Variants in EXOC6B observed in about 807,000 individuals in gnomAD.
The protein encoded by EXOC6B is exocyst complex component 6B.
EXOC6B carries 54 observed loss-of-function variants against 113.5 expected under a neutral mutation model. The observed-to-expected ratio is 0.48, with a 90% confidence interval of 0.38 to 0.60. The LOEUF (loss-of-function observed/expected upper bound fraction) is 0.60. EXOC6B is among the 20% of genes least tolerant of loss of function. The probability of loss-of-function intolerance (pLI) is 0.00; values close to 1 mark genes in which losing one functional copy is unlikely to be tolerated. For missense variants in EXOC6B, 797 were observed against 977.5 expected (o/e 0.82, Z 2.46); for synonymous variants, 357 against 339.0 (o/e 1.05, Z -0.58).
intron 1 of EXOC6B, among the ~76,000 whole-genome samples, chr2:72,788,122 C>T (rs546159229): frequency 6.6e-6 from 1 of 152,282 alleles, no homozygotes; most frequent in South Asian, 2.1e-4. Context: ...AGGTTCAAAT[C>T]CCAGTTCCTT....
intron 6 of EXOC6B, among the ~76,000 whole-genome samples, chr2:72,575,973 A>T (rs111530186): frequency 0.024 from 3,592 of 152,236 alleles, 167 homozygotes; most frequent in African/African-American, 0.082. Flanking sequence ...GCTTTTCAAA[A>T]ATATCCATTA....
intron 17 of EXOC6B, among the ~76,000 whole-genome samples, chr2:72,469,199 T>C (rs188604282): frequency 6.6e-6 from 1 of 152,268 alleles, no homozygotes; most frequent in East Asian, 1.9e-4. Flanking sequence ...CAGTATCATT[T>C]AGATAGTTTC....
intron 20 of EXOC6B, among the ~76,000 whole-genome samples, chr2:72,276,694 T>A (rs937869978): frequency 2.0e-5 from 3 of 152,168 alleles, no homozygotes; most frequent in African/African-American, 7.2e-5. Context: ...TTTTAATTAT[T>A]TTTTTCAAAT....
intron 7 of EXOC6B, 28 bp downstream of exon 7, chr2:72,575,464 T>TCC: frequency 6.3e-7 from 1 of 1,587,024 alleles, no homozygotes; most frequent in Non-Finnish European, 8.5e-7. Context: ...AAAAATAGTC[T>TCC]CACTTCCCAA....
intron 18 of EXOC6B, among the ~76,000 whole-genome samples, chr2:72,401,584 T>TATATATATATACAC (rs1693253744): frequency 1.1e-4 from 2 of 17,670 alleles, no homozygotes; most frequent in Non-Finnish European, 1.9e-4. Flanking sequence ...TATATATACA[T>TATATATATATACAC]ATATATATAT....
intron 12 of EXOC6B, 120 bp downstream of exon 12, chr2:72,499,781 A>G: frequency 1.6e-6 from 1 of 644,002 alleles, no homozygotes; most frequent in Admixed American, 2.6e-5. Flanking sequence ...CAATTCTCCT[A>G]CCTCAGGCTT....
At chr2:72,335,110 T>A (rs1299928798) in intron 19 of EXOC6B, 90 bp from the exon 20 acceptor site, 3 of 1,194,772 alleles carry the variant, frequency 2.5e-6, no homozygotes, top group East Asian at 4.7e-5. Flanking sequence ...CAAGAGAAGC[T>A]GGGGGAGAGG....
At chr2:72,800,958 TG>T (rs1386320328) in intron 1 of EXOC6B, among the ~76,000 whole-genome samples, 1 of 152,206 alleles carries the variant, frequency 6.6e-6, no homozygotes, top group African/African-American at 2.4e-5. Flanking sequence ...TCTACTGTGG[TG>T]ATTACAAATA....
At chr2:72,561,362 T>C (rs1265584706) in intron 7 of EXOC6B, among the ~76,000 whole-genome samples, 2 of 152,140 alleles carry the variant, frequency 1.3e-5, no homozygotes, top group Non-Finnish European at 2.9e-5. Flanking sequence ...TTATTTAGAA[T>C]TAATGATTTT....
At chr2:72,649,013 A>C (rs899644407) in intron 6 of EXOC6B, among the ~76,000 whole-genome samples, 2 of 151,914 alleles carry the variant, frequency 1.3e-5, no homozygotes, top group Non-Finnish European at 2.9e-5. Context: ...GGTAGTGCAC[A>C]CCTGTAGTCC....
intron 18 of EXOC6B, among the ~76,000 whole-genome samples, chr2:72,447,515 G>T (rs774721050): frequency 1.3e-5 from 2 of 152,078 alleles, no homozygotes; most frequent in Non-Finnish European, 2.9e-5. Context: ...TTCTTTATGA[G>T]CTCCAGTATA....
chr2:72,651,395 A>C (rs962172704), intron 6 of EXOC6B, among the ~76,000 whole-genome samples: 2 of 152,234 alleles, frequency 1.3e-5, no homozygotes, highest in African/African-American at 4.8e-5. Flanking sequence ...TGAGGTGGGC[A>C]GAACTGAATT....
chr2:72,701,081 C>T (rs962034532), intron 6 of EXOC6B, among the ~76,000 whole-genome samples: 2 of 152,018 alleles, frequency 1.3e-5, no homozygotes, highest in South Asian at 2.1e-4. Flanking sequence ...CGGTGGCTCA[C>T]GCCTGTAATC....
intron 6 of EXOC6B, among the ~76,000 whole-genome samples, chr2:72,689,687 G>T (rs370349931): frequency 2.0e-4 from 31 of 152,264 alleles, no homozygotes; most frequent in African/African-American, 6.7e-4. Context: ...TTCTCCTAGG[G>T]ATTCTACTAT....
At chr2:72,543,135 TATGGTG>T (rs1558779321) in intron 8 of EXOC6B, among the ~76,000 whole-genome samples, 2 of 151,852 alleles carry the variant, frequency 1.3e-5, no homozygotes, top group Non-Finnish European at 2.9e-5. Context: ...GCACATGGAG[TATGGTG>T]TATCTGGCGC....
chr2:72,408,085 A>C (rs1377174901), intron 18 of EXOC6B, among the ~76,000 whole-genome samples: 3 of 152,200 alleles, frequency 2.0e-5, no homozygotes, highest in Non-Finnish European at 4.4e-5. Context: ...ACAAACAGAG[A>C]GCCAAATCAT....
Position 72,731,188 on chromosome 2 carries a change from C to A in EXOC6B, c.385G>T (p.Ala129Ser). The stretch of plus-strand genomic sequence containing the variant: ...CACAGCATTAATTTATCAACAGTGG[C>A]AGAAATATTTCTCTGTTGTAGTCGA... ...QCRLQQRNIS[A>S]TVDKLMLCLP... Residue 129 changes from alanine to serine, a missense_variant, in exon 4 of 22, where the codon GCC becomes TCC. Ala to Ser is a moderately conservative substitution (Grantham distance 99). Coordinates refer to ENST00000272427, the MANE Select transcript of EXOC6B (RefSeq NM_015189.3). The A allele has an allele frequency of 6.2e-7, 1 of 1,613,274 alleles. No homozygotes were observed. The highest frequency in any genetic ancestry group is 8.5e-7 in the Non-Finnish European group (1 of 1,179,594).
chr2:72,757,571 T>G (rs1173173671), intron 1 of EXOC6B, among the ~76,000 whole-genome samples: 1 of 152,210 alleles, frequency 6.6e-6, no homozygotes, highest in Non-Finnish European at 1.5e-5. Flanking sequence ...AATTTCTCTT[T>G]GTCTTTAAAA....
intron 17 of EXOC6B, among the ~76,000 whole-genome samples, chr2:72,475,580 G>A (rs1698687486): frequency 6.6e-6 from 1 of 152,094 alleles, no homozygotes; most frequent in Non-Finnish European, 1.5e-5. Flanking sequence ...GGGGTGGCAG[G>A]TCAAAGCTGA....
Sources: allele counts gnomAD v4.1 joint callset (sites outside exome capture counted in the v4.1 genomes callset), GRCh38; gene constraint gnomAD v4.1.1; transcripts MANE v1.5; gene names NCBI Gene and HGNC (gene_info 2026-07-23, HGNC 2026-07-21).